Variants in N4BP1 observed in about 807,000 individuals in gnomAD.
The protein encoded by N4BP1 is NEDD4 binding protein 1, also known as NEDD4-binding protein 1.
In N4BP1, 21 loss-of-function variants were observed where a neutral mutation model predicts 70.9. The observed-to-expected ratio is 0.30, with a 90% CI of 0.21 to 0.43. The LOEUF (loss-of-function observed/expected upper bound fraction) is 0.43, where lower values mean the gene tolerates loss of function less well. Ranked by LOEUF, N4BP1 falls within the 20% of genes least tolerant of loss-of-function variation. The probability of loss-of-function intolerance (pLI) is 1.00; values close to 1 mark genes in which losing one functional copy is unlikely to be tolerated. For synonymous variants in N4BP1, 387 were observed against 394.6 expected (o/e 0.98, Z 0.23); for missense variants, 936 against 1,069.4 (o/e 0.88, Z 1.74).
At chr16:48,591,685 T>C (rs1238323620) in intron 1 of N4BP1, among the ~76,000 whole-genome samples, 1 of 151,640 alleles carries the variant, frequency 6.6e-6, no homozygotes, top group Non-Finnish European at 1.5e-5. Context: ...AAAAAGTTTT[T>C]GTTTTTCTTC....
chr16:48,580,585 C>T (rs1025120099), intron 1 of N4BP1, among the ~76,000 whole-genome samples: 3 of 151,994 alleles, frequency 2.0e-5, no homozygotes, highest in Non-Finnish European at 4.4e-5. Flanking sequence ...TTTTTGAGGC[C>T]AGCATTACCC....
intron 4 of N4BP1, among the ~76,000 whole-genome samples, chr16:48,550,278 C>T (rs1244481159): frequency 2.6e-5 from 4 of 152,044 alleles, no homozygotes; most frequent in East Asian, 3.9e-4. Context: ...TTTGGGAGGC[C>T]GAGACGGGTG....
At chr16:48,544,007 G>A (rs1435552906) in intron 6 of N4BP1, among the ~76,000 whole-genome samples, 1 of 152,194 alleles carries the variant, frequency 6.6e-6, no homozygotes, top group Non-Finnish European at 1.5e-5. Context: ...AGCAAGCAGA[G>A]GACTCTCCTT....
rs566271683 is a variant in N4BP1 at position 48,591,516 on chromosome 16, C to T, written c.198+18259G>A. On this transcript the variant is annotated intron_variant, in intron 1 of 6. Transcript: ENST00000262384. ...TTCAAAAGCCAGAAATATTGACTGTCCTGGCTAGAGTCTGATAATAAGAGA... is the reference window on the plus strand; with the variant it reads ...TTCAAAAGCCAGAAATATTGACTGTTCTGGCTAGAGTCTGATAATAAGAGA... Among the ~76,000 whole-genome samples, 6 of 152,056 alleles carry T rather than the reference C, an allele frequency of 3.9e-5. No homozygotes were observed. In the South Asian group the frequency reaches 1.0e-3, roughly 26 times the overall value.
At chr16:48,567,634 T>G (rs1029526424) in intron 1 of N4BP1, among the ~76,000 whole-genome samples, 4 of 152,222 alleles carry the variant, frequency 2.6e-5, no homozygotes, top group African/African-American at 9.6e-5. Flanking sequence ...TGCATTTTTA[T>G]CTATATCTCT....
chr16:48,571,379 C>T (rs1393498696), intron 1 of N4BP1, among the ~76,000 whole-genome samples: 3 of 152,188 alleles, frequency 2.0e-5, no homozygotes, highest in Non-Finnish European at 4.4e-5. Context: ...TAGAGCCCAC[C>T]TAATGACAGA....
chr16:48,588,834 A>C (rs560179473), intron 1 of N4BP1, among the ~76,000 whole-genome samples: 1 of 152,254 alleles, frequency 6.6e-6, no homozygotes, highest in South Asian at 2.1e-4. Flanking sequence ...CATTTTGTAT[A>C]TACAACCCCT....
At chr16:48,608,642 C>T (rs1324606282) in intron 1 of N4BP1, among the ~76,000 whole-genome samples, 1 of 150,780 alleles carries the variant, frequency 6.6e-6, no homozygotes, top group Non-Finnish European at 1.5e-5. Context: ...TACTGTGTTG[C>T]TTTTTGGTTT....
At chr16:48,608,324 T>C (rs6500397) in intron 1 of N4BP1, among the ~76,000 whole-genome samples, 61,396 of 152,006 alleles carry the variant, frequency 0.4, 13,461 homozygotes, top group African/African-American at 0.57. Flanking sequence ...AAGTTAAGCT[T>C]TGAAGAACTA....
In N4BP1 at chr16:48,587,761, C is replaced by T. The variant is rs575740214; in HGVS notation, c.198+22014G>A. Among the ~76,000 whole-genome samples the T allele has an allele frequency of 3.3e-5, 5 of 152,288 alleles. No homozygotes were observed. The South Asian group carries it at 1.0e-3, about 32-fold the overall frequency. On this transcript the variant is annotated intron_variant, in intron 1 of 6. Transcript: ENST00000262384. Reference sequence around the variant, plus strand: ...GTATAGAATGGCCACTATTAAAGAACAAGAACTGTAGTTCATGTGTTGAAC... The same window carrying T: ...GTATAGAATGGCCACTATTAAAGAATAAGAACTGTAGTTCATGTGTTGAAC...
At position 48,560,743 on chromosome 16, in the gene N4BP1, A is replaced by G. The variant is rs899000648; in HGVS notation, c.1889+11T>C. 2.5e-6 allele frequency: 4 copies of G among 1,584,878 alleles called. No individual in the cohort carries two copies. Among genetic ancestry groups the G allele is most frequent in the African/African-American group, 2.7e-5 (2 of 73,520 alleles). ...ATTTAAAATAAAATAATCTGCAGAG[A>G]ATGGACTTACGTAATTGCAACATTG... On this transcript the variant is annotated intron_variant, in intron 2 of 6. Transcript: ENST00000262384.
rs370825855 is a variant in N4BP1, at chr16:48,601,481, TA to T, written c.198+8293del. On this transcript the variant is annotated intron_variant, in intron 1 of 6. Coordinates refer to ENST00000262384, the MANE Select transcript of N4BP1 (RefSeq NM_153029.4). ...CATAAAATAAAACCATTTAAAAAGT[TA>T]AAAAAAAAAAGTGTTGATTCAAGAA... 1.1e-3 allele frequency among the ~76,000 whole-genome samples: 154 copies of T among 145,676 alleles called. No homozygotes were observed. In the South Asian group the frequency reaches 0.016, roughly 15 times the overall value.
intron 5 of N4BP1, chr16:48,546,591 G>T: frequency 5.4e-6 from 1 of 185,634 alleles, no homozygotes; most frequent in Non-Finnish European, 1.1e-5. Context: ...TGTCAGCTTA[G>T]GACACAAATG....
chr16:48,584,157 C>G (rs1479017670), intron 1 of N4BP1, among the ~76,000 whole-genome samples: 1 of 152,172 alleles, frequency 6.6e-6, no homozygotes, highest in African/African-American at 2.4e-5. Flanking sequence ...GGCTAGGAAT[C>G]TGATTTTATG....
chr16:48,574,853 T>A (rs1394075676), intron 1 of N4BP1, among the ~76,000 whole-genome samples: 1 of 152,184 alleles, frequency 6.6e-6, no homozygotes, highest in African/African-American at 2.4e-5. Flanking sequence ...TCTGAAAGCA[T>A]CACAGAGGGC....
In N4BP1 at chr16:48,574,080, C is replaced by A. The variant is rs112363835; in HGVS notation, c.199-11636G>T. Among the ~76,000 whole-genome samples, 355 of 152,210 alleles carry A rather than the reference C, an allele frequency of 2.3e-3. 2 individuals are homozygous for A. The highest frequency in any genetic ancestry group is 8.2e-3 in the African/African-American group (342 of 41,544). ...TATGATTTATAATTCTTTAGGTAAC[C>A]ATCAGAACAAACAGCTAAAAACAAT... On this transcript the variant is annotated intron_variant, in intron 1 of 6. Coordinates refer to ENST00000262384, the MANE Select transcript of N4BP1 (RefSeq NM_153029.4).
chr16:48,567,436 GCCT>G (rs1237308573), intron 1 of N4BP1, among the ~76,000 whole-genome samples: 1 of 152,120 alleles, frequency 6.6e-6, no homozygotes, highest in Non-Finnish European at 1.5e-5. Context: ...TTGTACCTCA[GCCT>G]CCTGAGTAGC....
At chr16:48,606,017 T>G (rs1024790384) in intron 1 of N4BP1, among the ~76,000 whole-genome samples, 2 of 152,202 alleles carry the variant, frequency 1.3e-5, no homozygotes, top group African/African-American at 4.8e-5. Flanking sequence ...CACATTGCAG[T>G]TGTTGTATGT....
At chr16:48,594,267 G>A (rs758148923) in intron 1 of N4BP1, among the ~76,000 whole-genome samples, 2 of 152,150 alleles carry the variant, frequency 1.3e-5, no homozygotes, top group Non-Finnish European at 2.9e-5. Context: ...TTCTACCACA[G>A]TAAAGGTTTT....
Sources: allele counts gnomAD v4.1 joint callset (sites outside exome capture counted in the v4.1 genomes callset), GRCh38; gene constraint gnomAD v4.1.1; transcripts MANE v1.5; gene names NCBI Gene and HGNC (gene_info 2026-07-23, HGNC 2026-07-21).